Variants in NOS1 observed in about 807,000 individuals in gnomAD.
NOS1 encodes the protein NOS type I.
In NOS1, 51 loss-of-function variants were observed where a neutral mutation model predicts 164.5. The observed-to-expected ratio is 0.31, with a 90% CI of 0.25 to 0.39. NOS1 has a LOEUF of 0.39. Among genes scored for constraint, NOS1 ranks in the 10% least tolerant of loss-of-function variants. NOS1 has a pLI of 1.00. For synonymous variants in NOS1, 719 were observed against 745.8 expected, an observed-to-expected ratio of 0.96 and a Z score of 0.59; for missense variants, 1,362 against 1,885.6, an observed-to-expected ratio of 0.72 and a Z score of 5.14.
Position 117,243,155 on chromosome 12 carries a change from C to A in NOS1, c.2962+142G>T. 2.1e-6 allele frequency: 2 copies of A among 954,548 alleles called. No individual in the cohort carries two copies. Among genetic ancestry groups the A allele is most frequent in the Non-Finnish European group, 3.1e-6 (2 of 638,618 alleles). 59.1% of individuals were successfully genotyped at this position (954,548 alleles called of 1,614,324 possible). A position where few individuals can be genotyped will look rare whatever the true frequency, so the allele number is the denominator to read the frequency against. On this transcript the variant is annotated intron_variant, in intron 19 of 28. Transcript: ENST00000317775. This position sits in a 1 kb window ranked among gnomAD's most constrained non-coding sequence, Gnocchi z 4.3. ...TGTTTTACTGAGTGTGGGAGAGCAG[C>A]AAAGTATTCATTTTGGTAGGACTGC...
At chr12:117,242,365 C>T (rs1443837377) in intron 20 of NOS1, among the ~76,000 whole-genome samples, 4 of 152,190 alleles carry the variant, frequency 2.6e-5, no homozygotes, top group Admixed American at 6.5e-5. Flanking sequence ...GGGGTGTGGT[C>T]TACTGTTAAA....
intron 3 of NOS1, among the ~76,000 whole-genome samples, chr12:117,305,277 A>T (rs968854005): frequency 1.3e-5 from 2 of 152,114 alleles, no homozygotes; most frequent in African/African-American, 4.8e-5. Context: ...CCTTGCTAAC[A>T]CGGTGAAACC....
At chr12:117,355,941 T>C (rs4767534) in intron 1 of NOS1, among the ~76,000 whole-genome samples, 39,079 of 151,924 alleles carry the variant, frequency 0.26, 5,307 homozygotes, top group East Asian at 0.5. Flanking sequence ...TTTGTAGAGA[T>C]GGAGTCTCAC....
intron 3 of NOS1, among the ~76,000 whole-genome samples, chr12:117,294,066 GA>G (rs891134067): frequency 6.6e-5 from 10 of 151,824 alleles, no homozygotes; most frequent in Admixed American, 6.6e-5. Context: ...GTATCATTGA[GA>G]AAAAAAACAA....
chr12:117,258,605 A>G (rs1231214534), intron 15 of NOS1, 150 bp from the exon 16 acceptor site: 1 of 762,866 alleles, frequency 1.3e-6, no homozygotes, highest in Non-Finnish European at 2.3e-6. Flanking sequence ...CAGGCTGGAC[A>G]GTAATGCCTG....
chr12:117,328,212 C>A (rs1425722866), intron 2 of NOS1, among the ~76,000 whole-genome samples: 10 of 152,188 alleles, frequency 6.6e-5, no homozygotes, highest in Admixed American at 5.9e-4. Context: ...ACTCTGTGGT[C>A]CAGGCTGGAG....
Position 117,212,101 on chromosome 12 carries a change from A to G in NOS1, c.*3208T>C, listed in dbSNP as rs1956537276. ...AGATTCTAACCTTCTGCACGAGAGG[A>G]ACTGTGTTTTGCTTATCTCTGCAAA... On this transcript the variant is annotated 3_prime_UTR_variant, in exon 29 of 29. Coordinates refer to ENST00000317775, the MANE Select transcript of NOS1 (RefSeq NM_000620.5). 2.0e-6 allele frequency: 2 copies of G among 985,062 alleles called. No homozygotes were observed. Among genetic ancestry groups the G allele is most frequent in the South Asian group, 9.4e-5 (2 of 21,278 alleles). 61.0% of individuals were successfully genotyped at this position (985,062 alleles called of 1,614,324 possible).
chr12:117,296,660 A>C (rs974363062), intron 3 of NOS1, among the ~76,000 whole-genome samples: 5 of 130,242 alleles, frequency 3.8e-5, no homozygotes, highest in Non-Finnish European at 8.2e-5. Context: ...TAAACTCTTT[A>C]TATATACATC....
intron 18 of NOS1, among the ~76,000 whole-genome samples, chr12:117,244,693 C>T (rs188710488): frequency 6.6e-6 from 1 of 152,288 alleles, no homozygotes; most frequent in East Asian, 1.9e-4. Flanking sequence ...TTTGACACAT[C>T]CATACAACGG....
At chr12:117,341,433 C>A (rs1258946265) in intron 1 of NOS1, among the ~76,000 whole-genome samples, 1 of 152,134 alleles carries the variant, frequency 6.6e-6, no homozygotes, top group Non-Finnish European at 1.5e-5. Flanking sequence ...GGGCTGTCAT[C>A]CCGATGTTAG....
In NOS1 at chr12:117,220,264, G is replaced by A. The variant is rs777261124; in HGVS notation, c.3981C>T (p.Tyr1327=). 1.9e-5 allele frequency: 31 copies of A among 1,606,272 alleles called. No individual in the cohort carries two copies. The highest frequency in any genetic ancestry group is 6.7e-5 in the East Asian group (3 of 44,874). The change falls in exon 27 of 29, where the codon TAC becomes TAT. Residue 1327 remains tyrosine, a synonymous_variant. Coordinates refer to ENST00000317775, the MANE Select transcript of NOS1 (RefSeq NM_000620.5). ...YSREPDKPKK[Y]VQDILQEQLA... ...GCTGCTCCTGCAGGATGTCCTGCAC[G>A]TACTTCTGCAAGGAGCAGAGAGCAG...
chr12:117,287,987 G>T, intron 5 of NOS1, 87 bp downstream of exon 5: 1 of 1,506,634 alleles, frequency 6.6e-7, no homozygotes. Context: ...TTGTGCCTTG[G>T]CCTTGGTTTG....
intron 26 of NOS1, 109 bp from the exon 27 acceptor site, chr12:117,220,378 G>A: frequency 2.7e-6 from 3 of 1,100,476 alleles, no homozygotes; most frequent in Non-Finnish European, 3.9e-6. Context: ...TGGGCAGGTA[G>A]GATCTTTTGT....
intron 3 of NOS1, among the ~76,000 whole-genome samples, chr12:117,291,952 T>C (rs1873093530): frequency 6.6e-6 from 1 of 152,130 alleles, no homozygotes; most frequent in Admixed American, 6.6e-5. Flanking sequence ...GGGCAGCAGG[T>C]GCACCCTGAT....
intron 2 of NOS1, among the ~76,000 whole-genome samples, chr12:117,315,927 G>A (rs1874647537): frequency 6.6e-6 from 1 of 152,188 alleles, no homozygotes; most frequent in African/African-American, 2.4e-5. Context: ...CTAGCTCTGT[G>A]TAGAACACTG....
At chr12:117,289,450 A>G (rs1007297329) in intron 4 of NOS1, among the ~76,000 whole-genome samples, 2 of 152,256 alleles carry the variant, frequency 1.3e-5, no homozygotes, top group African/African-American at 4.8e-5. Context: ...GTGGCTTAAC[A>G]GTCAGAGACA....
At chr12:117,255,834 C>T (rs997048475) in intron 16 of NOS1, 7 of 622,752 alleles carry the variant, frequency 1.1e-5, no homozygotes, top group Non-Finnish European at 1.7e-5. Context: ...GGTTAGAACT[C>T]GGATCTCCTT....
At position 117,263,974 on chromosome 12, in the gene NOS1, G is replaced by A. The variant is rs752942079; in HGVS notation, c.2137C>T (p.Pro713Ser). ...YRLTPSFEYQ[P>S]DPWNTHVWKG... ...CAGACATGCGTGTTCCAGGGATCAG[G>A]CTGGGAAGAGAAGGAGAGGGCTATG... The change falls in exon 13 of 29, where the codon CCT becomes TCT. Residue 713 changes from proline (P) to serine (S), a missense_variant and splice_region_variant. Pro to Ser is a moderately conservative substitution (Grantham distance 74, BLOSUM62 -1). This residue lies in a region of NOS1 where 737 missense variants were observed against 1,030.3 expected (regional missense o/e 0.72). Coordinates refer to ENST00000317775, the MANE Select transcript of NOS1 (RefSeq NM_000620.5). 30 of 1,613,364 alleles carry A rather than the reference G, an allele frequency of 1.9e-5. No homozygotes were observed. Among genetic ancestry groups the A allele is most frequent in the Non-Finnish European group, 2.4e-5 (28 of 1,179,458 alleles).
chr12:117,227,143 C>T (rs894054463), intron 23 of NOS1, among the ~76,000 whole-genome samples: 4 of 152,116 alleles, frequency 2.6e-5, no homozygotes, highest in Admixed American at 6.5e-5. Flanking sequence ...TACAGCAGAG[C>T]GCTCTCCCAG....
Sources: gnomAD v4.1 joint callset for allele counts (sites outside exome capture counted in the v4.1 genomes callset) on GRCh38, gnomAD v4.1.1 for gene constraint, gnomAD v4.1.1 regional missense constraint, Gnocchi (gnomAD v3.1) non-coding constraint, MANE v1.5 for transcripts, NCBI Gene and HGNC (gene_info 2026-07-23, HGNC 2026-07-21) for gene names.